Variants in BCCIP observed in about 807,000 individuals in gnomAD.
BCCIP encodes the protein BRCA2 and CDKN1A-interacting protein.
BCCIP carries 23 observed loss-of-function variants against 32.8 expected under a neutral mutation model. The observed-to-expected ratio is 0.70, with a 90% CI of 0.51 to 0.99. The LOEUF is 0.99. Ranked by LOEUF, BCCIP falls within the 50% of genes least tolerant of loss-of-function variation. BCCIP has a pLI of 0.00. For missense variants in BCCIP, 378 were observed against 379.8 expected, an observed-to-expected ratio of 1.00 and a Z score of 0.04; for synonymous variants, 144 against 137.6, an observed-to-expected ratio of 1.05 and a Z score of -0.33.
At chr10:125,836,703 C>A (rs35941699), downstream of BCCIP, 8 of 1,614,028 alleles carry the variant, frequency 5.0e-6, no homozygotes, top group Admixed American at 3.3e-5. Context: ...GAGAGTGCAT[C>A]TCTGTTCAGT....
chr10:125,839,895 A>G (rs540740136), downstream of BCCIP, among the ~76,000 whole-genome samples: 2 of 152,308 alleles, frequency 1.3e-5, no homozygotes, highest in South Asian at 4.1e-4. Context: ...CAACCACAGC[A>G]TGTACTTAGT....
intron 6 of BCCIP, 149 bp from the exon 7 acceptor site, chr10:125,835,955 T>A (rs1187625040): frequency 4.3e-6 from 3 of 691,536 alleles, no homozygotes; most frequent in Non-Finnish European, 7.2e-6. Context: ...AATGTCCCAT[T>A]TGAACTTTTT....
At position 125,826,666 on chromosome 10, in the gene BCCIP, G is replaced by T; in HGVS notation, c.240+1G>T. ...CGGAATTAAGAAATTACTGCAGCAG[G>T]TATTGTCTTTTATTTATTATGCATA... On this transcript the variant is annotated splice_donor_variant, in intron 2 of 6. Transcript: ENST00000278100. LOFTEE classifies it high-confidence loss of function. 4 of 1,613,036 alleles carry T rather than the reference G, an allele frequency of 2.5e-6. No individual in the cohort carries two copies. The highest frequency in any genetic ancestry group is 3.4e-6 in the Non-Finnish European group (4 of 1,179,524).
intron 3 of BCCIP, 44 bp from the exon 4 acceptor site, chr10:125,830,518 A>G (rs1309989696): frequency 1.3e-5 from 17 of 1,304,174 alleles, no homozygotes; most frequent in Non-Finnish European, 1.8e-5. Flanking sequence ...TACTCTTGGT[A>G]TTATACTAAA....
At chr10:125,836,659 C>A, downstream of BCCIP, 1 of 1,602,580 alleles carries the variant, frequency 6.2e-7, no homozygotes, top group South Asian at 1.1e-5. Context: ...CCTTTGGGAC[C>A]CTGCTGCACC....
chr10:125,826,714 C>T (rs1178920481), intron 2 of BCCIP, 49 bp downstream of exon 2: 3 of 1,602,608 alleles, frequency 1.9e-6, no homozygotes, highest in African/African-American at 1.3e-5. Context: ...TAAGAAAAAT[C>T]AGGGGCCGGG....
In BCCIP at chr10:125,827,547, C is replaced by G. The variant is rs1394993127; in HGVS notation, c.241-11C>G. The G allele has an allele frequency of 1.3e-6, 2 of 1,567,590 alleles. No individual in the cohort carries two copies. Among genetic ancestry groups the G allele is most frequent in the African/African-American group, 2.7e-5 (2 of 73,204 alleles). On this transcript the variant is annotated splice_polypyrimidine_tract_variant and intron_variant, in intron 2 of 6. Coordinates refer to ENST00000278100, the MANE Select transcript of BCCIP (RefSeq NM_078468.3). ...TGATCTTAATTTAAAATAATTTTTT[C>G]CTCCTTTTAGCTTTTTCTAAAGGCT...
chr10:125,825,578 A>G (rs533455849), intron 1 of BCCIP: 1 of 152,330 alleles, frequency 6.6e-6, no homozygotes, highest in East Asian at 1.9e-4. Context: ...AAGCAATTCC[A>G]GGGCCTTGCA....
chr10:125,844,418 C>T (rs1325465916), downstream of BCCIP, among the ~76,000 whole-genome samples: 1 of 152,226 alleles, frequency 6.6e-6, no homozygotes, highest in Non-Finnish European at 1.5e-5. Context: ...TTCATTTTTA[C>T]ACCCTGGAGT....
At chr10:125,847,058 G>A (rs1243190590), downstream of BCCIP, among the ~76,000 whole-genome samples, 1 of 152,152 alleles carries the variant, frequency 6.6e-6, no homozygotes, top group Non-Finnish European at 1.5e-5. Context: ...TTTATTTTAG[G>A]GTTGGGACTT....
chr10:125,838,512 C>T (rs936658362), downstream of BCCIP: 51 of 891,702 alleles, frequency 5.7e-5, no homozygotes, highest in Admixed American at 4.5e-4. Context: ...GTTTGCCACT[C>T]ATGTTTCCTA....
chr10:125,846,327 C>T (rs1429758016), downstream of BCCIP, among the ~76,000 whole-genome samples: 1 of 152,100 alleles, frequency 6.6e-6, no homozygotes, highest in African/African-American at 2.4e-5. Context: ...CTGGCAGCCC[C>T]AGAACAACCT....
At chr10:125,824,844 A>G (rs1324974689) in intron 1 of BCCIP, among the ~76,000 whole-genome samples, 1 of 152,262 alleles carries the variant, frequency 6.6e-6, no homozygotes, top group East Asian at 1.9e-4. Flanking sequence ...AGGGACGGAA[A>G]GGCAGCCTAG....
chr10:125,839,128 T>G (rs371698020), downstream of BCCIP: 202 of 1,614,238 alleles, frequency 1.3e-4, 1 homozygote, highest in Middle Eastern at 8.2e-4. Context: ...TCGAATAACA[T>G]CTGCCATTCT....
chr10:125,836,519 C>G lies in BCCIP; in HGVS notation c.*245C>G. ...GCATGGAGTAGTAATTTAAAGAACT[C>G]AATAAAAACTTCTATTTTTTATTTT... On this transcript the variant is annotated 3_prime_UTR_variant, in exon 7 of 7. Transcript: ENST00000278100. The G allele has an allele frequency of 1.5e-6, 2 of 1,339,254 alleles. No homozygotes were observed. The highest frequency in any genetic ancestry group is 3.6e-5 in the South Asian group (2 of 55,690). 83.0% of individuals were successfully genotyped at this position (1,339,254 alleles called of 1,614,324 possible). A position where few individuals can be genotyped will look rare whatever the true frequency, so the allele number is the denominator to read the frequency against.
At chr10:125,840,718 T>A, downstream of BCCIP, 16 of 1,063,120 alleles carry the variant, frequency 1.5e-5, no homozygotes, top group Non-Finnish European at 2.1e-5. Flanking sequence ...GTTTAGGGCC[T>A]CAAGTGCCAT....
At chr10:125,853,027 A>G in intron 7 of BCCIP, 1 of 855,662 alleles carries the variant, frequency 1.2e-6, no homozygotes, top group Non-Finnish European at 1.8e-6. Context: ...ATCAACCAGG[A>G]TCTTGGTGGT....
chr10:125,848,224 G>GT (rs1267540119), intron 7 of BCCIP, among the ~76,000 whole-genome samples: 1 of 152,180 alleles, frequency 6.6e-6, no homozygotes, highest in Non-Finnish European at 1.5e-5. Flanking sequence ...AGGGCCTCTG[G>GT]GGAATAGCAT....
chr10:125,853,337 C>T (rs781027414), exon 8 of BCCIP: 16 of 646,852 alleles, frequency 2.5e-5, no homozygotes, highest in East Asian at 9.3e-5. Flanking sequence ...TTGTTAGTTT[C>T]GTTTGAGATC....
Sources: gnomAD v4.1 joint callset for allele counts (sites outside exome capture counted in the v4.1 genomes callset) on GRCh38, gnomAD v4.1.1 for gene constraint, MANE v1.5 for transcripts, NCBI Gene and HGNC (gene_info 2026-07-23, HGNC 2026-07-21) for gene names.